FGF14: variants seen among roughly 807,000 people sequenced by gnomAD.
The protein encoded by FGF14 is fibroblast growth factor homologous factor 4.
Under a neutral mutation model 25.5 loss-of-function variants are expected in FGF14, and 5 were observed. The observed-to-expected ratio is 0.20, with a 90% CI of 0.10 to 0.41. The LOEUF is 0.41. FGF14 is among the 10% of genes least tolerant of loss of function. The probability of loss-of-function intolerance (pLI) is 1.00; values close to 1 mark genes in which losing one functional copy is unlikely to be tolerated. For missense variants in FGF14, 222 were observed against 320.1 expected (o/e 0.69, Z 2.34); for synonymous variants, 138 against 118.3 (o/e 1.17, Z -1.08).
chr13:101,734,975 T>C (rs969441069), intron 3 of FGF14, among the ~76,000 whole-genome samples: 3 of 152,222 alleles, frequency 2.0e-5, no homozygotes, highest in African/African-American at 7.2e-5. Flanking sequence ...ACCTTTGCCA[T>C]GTAATTTGCA....
chr13:102,098,980 T>C (rs990009313), intron 1 of FGF14, among the ~76,000 whole-genome samples: 1 of 152,152 alleles, frequency 6.6e-6, no homozygotes, highest in Non-Finnish European at 1.5e-5. Context: ...GGAAGGAAAC[T>C]ATAGACTGCC....
chr13:102,096,119 A>C, intron 1 of FGF14, among the ~76,000 whole-genome samples: 1 of 152,018 alleles, frequency 6.6e-6, no homozygotes, highest in South Asian at 2.1e-4. Context: ...TATCAAAGAA[A>C]AGTTATTAGG....
intron 1 of FGF14, among the ~76,000 whole-genome samples, chr13:102,046,333 C>T (rs1199507579): frequency 6.6e-6 from 1 of 152,058 alleles, no homozygotes. Context: ...AAAGCTTGTG[C>T]ATAATGATGT....
rs371131440 is a variant in FGF14 at position 102,094,905 on chromosome 13, C to A, written c.209-219609G>T. 2.6e-5 allele frequency among the ~76,000 whole-genome samples: 4 copies of A among 152,226 alleles called. No homozygotes were observed. The East Asian group carries it at 7.7e-4, about 29-fold the overall frequency. ...GAAGCAGTCTACTCACCCCCAAACA[C>A]AATGTCCCTAATTCAGCCTTTAAGT... On this transcript the variant is annotated intron_variant, in intron 1 of 4. Transcript: ENST00000376131.
chr13:101,827,790 T>C lies in FGF14; in HGVS notation c.408+40935A>G, dbSNP rs561844574. 9.9e-5 allele frequency among the ~76,000 whole-genome samples: 15 copies of C among 152,004 alleles called. 1 individual carries two copies. The South Asian group carries it at 3.1e-3, about 32-fold the overall frequency. ...AAAACCAAAGCACAGAGTTTCACTTTAGTTTCATTAATTGAATCATGCCAA... is the reference window on the plus strand; with the variant it reads ...AAAACCAAAGCACAGAGTTTCACTTCAGTTTCATTAATTGAATCATGCCAA... On this transcript the variant is annotated intron_variant, in intron 3 of 4. Coordinates refer to ENST00000376143, the MANE Select transcript of FGF14 (RefSeq NM_004115.4).
intron 1 of FGF14, among the ~76,000 whole-genome samples, chr13:102,168,079 G>A (rs1235720494): frequency 1.3e-5 from 2 of 152,016 alleles, no homozygotes; most frequent in Non-Finnish European, 2.9e-5. Flanking sequence ...CAGACCATGG[G>A]TGAAACAAAT....
chr13:101,913,537 C>T (rs898103536), intron 1 of FGF14, among the ~76,000 whole-genome samples: 2 of 152,142 alleles, frequency 1.3e-5, no homozygotes, highest in South Asian at 4.2e-4. Flanking sequence ...GTGTATTACC[C>T]TTCCCCAAAA....
chr13:102,060,086 T>C (rs1470544197), intron 1 of FGF14, among the ~76,000 whole-genome samples: 1 of 151,998 alleles, frequency 6.6e-6, no homozygotes, highest in African/African-American at 2.4e-5. Context: ...AAATGCTGAT[T>C]GGAGCATTTT....
intron 1 of FGF14, among the ~76,000 whole-genome samples, chr13:102,374,352 T>C (rs1208444288): frequency 6.6e-6 from 1 of 151,822 alleles, no homozygotes; most frequent in Non-Finnish European, 1.5e-5. Context: ...ATGTGGGTAC[T>C]GAACATTTAT....
At chr13:101,992,651 G>T (rs2038970644) in intron 1 of FGF14, among the ~76,000 whole-genome samples, 1 of 151,966 alleles carries the variant, frequency 6.6e-6, no homozygotes, top group African/African-American at 2.4e-5. Context: ...ATCAAAAGGA[G>T]ATGCTATAAA....
At chr13:102,246,139 C>A (rs12430941) in intron 1 of FGF14, among the ~76,000 whole-genome samples, 1 of 151,898 alleles carries the variant, frequency 6.6e-6, no homozygotes, top group Non-Finnish European at 1.5e-5. Context: ...TAAGCCACTG[C>A]GAGATACATT....
chr13:101,961,033 T>G (rs2036823480), intron 1 of FGF14, among the ~76,000 whole-genome samples: 1 of 152,142 alleles, frequency 6.6e-6, no homozygotes, highest in Admixed American at 6.6e-5. Context: ...CATTTTTTAA[T>G]GGGATTTTTT....
chr13:101,745,466 A>C (rs1159185236), intron 3 of FGF14, among the ~76,000 whole-genome samples: 2 of 152,230 alleles, frequency 1.3e-5, no homozygotes, highest in Non-Finnish European at 2.9e-5. Flanking sequence ...TATCACAAAG[A>C]ACAATTTCAT....
At chr13:101,939,486 G>A (rs1215423160) in intron 1 of FGF14, among the ~76,000 whole-genome samples, 1 of 152,156 alleles carries the variant, frequency 6.6e-6, no homozygotes, top group African/African-American at 2.4e-5. Flanking sequence ...ATCTCTGACA[G>A]TAAGCCTAAC....
chr13:101,932,533 C>CAAAAAAAAAA (rs60522790), intron 1 of FGF14, among the ~76,000 whole-genome samples: 2 of 79,038 alleles, frequency 2.5e-5, no homozygotes, highest in African/African-American at 1.0e-4. Context: ...GACTCCATGT[C>CAAAAAAAAAA]AAAAAAAAAA....
chr13:102,381,050 T>C (rs1046765223), intron 1 of FGF14, among the ~76,000 whole-genome samples: 1 of 152,196 alleles, frequency 6.6e-6, no homozygotes, highest in African/African-American at 2.4e-5. Flanking sequence ...GGCAAAATCA[T>C]CTAACACAAA....
chr13:101,854,357 G>T (rs765330098), intron 3 of FGF14, among the ~76,000 whole-genome samples: 1 of 152,068 alleles, frequency 6.6e-6, no homozygotes, highest in Admixed American at 6.6e-5. Flanking sequence ...CTAAACTGAT[G>T]TTTCATCACT....
chr13:101,874,336 T>C (rs998693552), intron 2 of FGF14, among the ~76,000 whole-genome samples: 4 of 152,066 alleles, frequency 2.6e-5, no homozygotes, highest in Admixed American at 6.6e-5. Context: ...AATGAAAAAA[T>C]TCATATCTAT....
intron 1 of FGF14, among the ~76,000 whole-genome samples, chr13:102,380,150 T>A (rs1349227543): frequency 1.3e-5 from 2 of 150,780 alleles, no homozygotes; most frequent in South Asian, 4.2e-4. Context: ...ACAAAGGAAG[T>A]AAACATAGAA....
Sources: gnomAD v4.1 joint callset for allele counts (sites outside exome capture counted in the v4.1 genomes callset) on GRCh38, gnomAD v4.1.1 for gene constraint, MANE v1.5 for transcripts, NCBI Gene and HGNC (gene_info 2026-07-23, HGNC 2026-07-21) for gene names.